Variants in NUMB observed in about 807,000 individuals in gnomAD.
NUMB encodes protein numb homolog.
A neutral mutation model predicts 59.7 loss-of-function variants in NUMB; 29 were observed. The ratio of observed to expected loss-of-function variants is 0.49; its 90% CI spans 0.36 to 0.66. The LOEUF is 0.66. NUMB is among the 30% of genes least tolerant of loss of function. The pLI, the probability that NUMB is intolerant of heterozygous loss-of-function variation, is 0.00. For synonymous variants in NUMB, 288 were observed against 288.2 expected, an observed-to-expected ratio of 1.00 and a Z score of 0.01; for missense variants, 723 against 822.0, an observed-to-expected ratio of 0.88 and a Z score of 1.47.
Position 73,434,677 on chromosome 14 carries a change from A to G in NUMB, c.-233+23816T>C, listed in dbSNP as rs540464895. 3.9e-5 allele frequency among the ~76,000 whole-genome samples: 6 copies of G among 152,256 alleles called. No individual in the cohort carries two copies. The South Asian group carries it at 1.2e-3, about 32-fold the overall frequency. Reference sequence around the variant, plus strand: ...GGTGAGGAGTTCGAGACCAGCCTAGACAACATAGCGAGACTTCATCTTTAT... The same window carrying G: ...GGTGAGGAGTTCGAGACCAGCCTAGGCAACATAGCGAGACTTCATCTTTAT... On this transcript the variant is annotated intron_variant, in intron 1 of 12. Coordinates refer to ENST00000555238, the MANE Select transcript of NUMB (RefSeq NM_001005743.2).
chr14:73,296,702 C>T lies in NUMB; in HGVS notation c.309+509G>A, dbSNP rs142397964. Among the ~76,000 whole-genome samples the T allele has an allele frequency of 6.8e-3, 1,033 of 152,242 alleles. 4 individuals carry two copies. Among genetic ancestry groups the T allele is most frequent in the South Asian group, 0.029 (142 of 4,818 alleles). ...TTTGATCATTAGAGATTTTAAAAAA[C>T]ATATGAGCAGTCCCATTTAAGCTTA... On this transcript the variant is annotated intron_variant, in intron 7 of 12. Transcript: ENST00000555238.
At chr14:73,338,553 C>T (rs2139970108) in intron 4 of NUMB, among the ~76,000 whole-genome samples, 1 of 152,310 alleles carries the variant, frequency 6.6e-6, no homozygotes, top group Admixed American at 6.5e-5. Flanking sequence ...ATCCTTTTAA[C>T]ATATAAGTTG....
At chr14:73,414,494 G>A (rs1897036755) in intron 1 of NUMB, among the ~76,000 whole-genome samples, 2 of 152,070 alleles carry the variant, frequency 1.3e-5, no homozygotes, top group African/African-American at 4.8e-5. Context: ...CCTGGCTCAA[G>A]CAATTCTCTA....
intron 2 of NUMB, among the ~76,000 whole-genome samples, chr14:73,398,384 GAC>G (rs57541659): frequency 0.19 from 25,964 of 139,480 alleles, 2,720 homozygotes; most frequent in East Asian, 0.56. Context: ...ATGAGAGAGA[GAC>G]ACACACAGAG....
At chr14:73,420,251 T>C (rs369398114) in intron 1 of NUMB, among the ~76,000 whole-genome samples, 5 of 152,218 alleles carry the variant, frequency 3.3e-5, no homozygotes, top group Admixed American at 6.5e-5. Context: ...GCAAGACACG[T>C]TGTCGTCTGA....
In NUMB at chr14:73,298,479, A is replaced by G. The variant is rs370670143; in HGVS notation, c.235-1194T>C. The G allele has an allele frequency of 1.1e-4, 16 of 152,336 alleles. No individual in the cohort carries two copies. In the East Asian group the frequency reaches 1.3e-3, roughly 13 times the overall value. 9.4% of individuals were successfully genotyped at this position (152,336 alleles called of 1,614,324 possible). ...TGGCTCAGAAAATACTTTTTGGCAC[A>G]TGAGAATCACATGAGAACAAGCTGA... On this transcript the variant is annotated intron_variant, in intron 6 of 12. Transcript: ENST00000555238.
intron 1 of NUMB, among the ~76,000 whole-genome samples, chr14:73,454,297 C>T (rs1884200671): frequency 6.6e-6 from 1 of 152,046 alleles, no homozygotes. Flanking sequence ...AAACCTGTTA[C>T]ACACAACAGA....
At chr14:73,425,015 C>T (rs1897520746) in intron 1 of NUMB, among the ~76,000 whole-genome samples, 1 of 152,178 alleles carries the variant, frequency 6.6e-6, no homozygotes, top group Non-Finnish European at 1.5e-5. Context: ...ATCTTTACCT[C>T]AGTCAGAACT....
At chr14:73,372,325 ATATATATATATAACCTTT>A (rs1189712844) in intron 2 of NUMB, among the ~76,000 whole-genome samples, 78 of 109,892 alleles carry the variant, frequency 7.1e-4, no homozygotes, top group East Asian at 2.4e-3. Context: ...ATATATATAT[ATATATATATATAACCTTT>A]TATATATATA....
chr14:73,299,571 T>C (rs1889990602), intron 6 of NUMB, among the ~76,000 whole-genome samples: 1 of 93,886 alleles, frequency 1.1e-5, no homozygotes, highest in Non-Finnish European at 1.9e-5. Context: ...GTCATATATA[T>C]GACATGACAT....
intron 3 of NUMB, among the ~76,000 whole-genome samples, chr14:73,360,912 C>T (rs1014851100): frequency 1.3e-5 from 2 of 151,790 alleles, no homozygotes; most frequent in African/African-American, 2.4e-5. Context: ...TATTTGGAGA[C>T]AGGGTATCAC....
At chr14:73,375,569 C>A (rs1348109084) in intron 2 of NUMB, among the ~76,000 whole-genome samples, 2 of 152,148 alleles carry the variant, frequency 1.3e-5, no homozygotes, top group Admixed American at 6.5e-5. Flanking sequence ...TTCTATCATA[C>A]AACATATATG....
intron 3 of NUMB, among the ~76,000 whole-genome samples, chr14:73,361,747 G>C (rs1186048989): frequency 6.6e-6 from 1 of 152,036 alleles, no homozygotes; most frequent in Non-Finnish European, 1.5e-5. Flanking sequence ...TACTAGAAGA[G>C]CCAGGATGGA....
At chr14:73,367,294 TATAC>T (rs1298039823) in intron 2 of NUMB, among the ~76,000 whole-genome samples, 251 of 116,794 alleles carry the variant, frequency 2.1e-3, no homozygotes, top group South Asian at 5.4e-3. Flanking sequence ...TATATATATA[TATAC>T]ACACACACAC....
At chr14:73,385,819 T>G (rs1376736552) in intron 2 of NUMB, among the ~76,000 whole-genome samples, 2 of 152,100 alleles carry the variant, frequency 1.3e-5, no homozygotes, top group Non-Finnish European at 2.9e-5. Flanking sequence ...GCTTCTGTAA[T>G]GAAAGGCACA....
At chr14:73,376,940 G>A (rs11847998) in intron 2 of NUMB, among the ~76,000 whole-genome samples, 7,841 of 152,214 alleles carry the variant, frequency 0.052, 653 homozygotes, top group African/African-American at 0.18. Flanking sequence ...TTTGACAAAA[G>A]AGCAAAGCCA....
chr14:73,301,730 C>T (rs1284082237), intron 6 of NUMB, among the ~76,000 whole-genome samples: 1 of 152,050 alleles, frequency 6.6e-6, no homozygotes, highest in Non-Finnish European at 1.5e-5. Flanking sequence ...CTTTGGCTTC[C>T]CAAAGTGCTG....
chr14:73,425,988 T>C (rs1352903012), intron 1 of NUMB, among the ~76,000 whole-genome samples: 1 of 152,020 alleles, frequency 6.6e-6, no homozygotes, highest in Non-Finnish European at 1.5e-5. Context: ...TTTTGTATTT[T>C]TAGTAGATAC....
chr14:73,383,726 C>T (rs1390427480), intron 2 of NUMB, among the ~76,000 whole-genome samples: 1 of 152,090 alleles, frequency 6.6e-6, no homozygotes, highest in Non-Finnish European at 1.5e-5. Flanking sequence ...CTAATAAAAA[C>T]AATGGGGGGC....
Sources: gnomAD v4.1 joint callset for allele counts (sites outside exome capture counted in the v4.1 genomes callset) on GRCh38, gnomAD v4.1.1 for gene constraint, MANE v1.5 for transcripts, NCBI Gene and HGNC (gene_info 2026-07-23, HGNC 2026-07-21) for gene names.